Variants in NHS observed in about 807,000 individuals in gnomAD.
The protein encoded by NHS is NHS actin remodeling regulator.
NHS carries 5 observed loss-of-function variants against 72.5 expected under a neutral mutation model. That is an observed-to-expected ratio of 0.07 (90% CI 0.04 to 0.14). The LOEUF (loss-of-function observed/expected upper bound fraction) is 0.14, where lower values mean the gene tolerates loss of function less well. Among genes scored for constraint, NHS ranks in the 10% least tolerant of loss-of-function variants. The pLI is 1.00. For missense variants in NHS, 1,072 were observed against 1,355.7 expected (o/e 0.79, Z 3.29); for synonymous variants, 464 against 547.7 (o/e 0.85, Z 2.13).
chrX:17,651,004 C>A (rs891968982), intron 1 of NHS, among the ~76,000 whole-genome samples: 9 of 112,046 alleles, frequency 8.0e-5, no homozygotes, highest in Non-Finnish European at 1.3e-4. Context: ...CAGAAATACC[C>A]CCACTCTTCT....
At chrX:17,498,745 A>G (rs760468458) in intron 1 of NHS, among the ~76,000 whole-genome samples, 1 of 111,216 alleles carries the variant, frequency 9.0e-6, no homozygotes, top group African/African-American at 3.3e-5. Context: ...TTGCGGAGAA[A>G]CAACAAAGAG....
chrX:17,667,811 G>A (rs1424005692), intron 1 of NHS, among the ~76,000 whole-genome samples: 1 of 110,409 alleles, frequency 9.1e-6, no homozygotes, highest in Non-Finnish European at 1.9e-5. Context: ...CAAGGAGAGG[G>A]GGCATCAATG....
intron 1 of NHS, among the ~76,000 whole-genome samples, chrX:17,462,969 A>G (rs556383480): frequency 3.6e-5 from 4 of 111,717 alleles, no homozygotes; most frequent in Admixed American, 2.8e-4. Flanking sequence ...GTTGATATTG[A>G]TATTTCTTGT....
chrX:17,726,204 A>G lies in NHS; in HGVS notation c.2098A>G (p.Asn700Asp), dbSNP rs754788157. ...GGATAAAGTGAGAGGCCATCGGGCA[A>G]ACTCCTTTACCTCCACTGTTGCAGA... is the stretch of plus-strand genomic sequence containing the variant. ...HLDKVRGHRA[N>D]SFTSTVADLL... Residue 700 changes from asparagine (N) to aspartate (D), a missense_variant, in exon 7 of 9, where the codon AAC (asparagine) becomes GAC (aspartate). Transcript: ENST00000676302. 3 of 1,210,427 alleles carry G rather than the reference A, an allele frequency of 2.5e-6. No individual in the cohort carries two copies. The highest frequency in any genetic ancestry group is 3.4e-6 in the Non-Finnish European group (3 of 895,323).
chrX:17,726,521 A>G lies in NHS; in HGVS notation c.2415A>G (p.Ala805=), dbSNP rs1229934423. ...ATAAGAGCTATGTCTGTCACTATGC[A>G]GCCCTGGGCCCAGAGAATGGCCAGG... The part of the protein sequence containing the change: ...KGNKSYVCHY[A]ALGPENGQGV... Residue 805 remains alanine, a synonymous_variant, in exon 7 of 9, where the codon GCA becomes GCG. Coordinates refer to ENST00000676302, the MANE Select transcript of NHS (RefSeq NM_001291867.2). The G allele has an allele frequency of 5.0e-6, 6 of 1,210,396 alleles. No individual in the cohort carries two copies. The highest frequency in any genetic ancestry group is 6.7e-6 in the Non-Finnish European group (6 of 895,275).
intron 1 of NHS, among the ~76,000 whole-genome samples, chrX:17,463,327 G>T (rs190149713): frequency 1.8e-5 from 2 of 110,356 alleles, no homozygotes; most frequent in African/African-American, 3.3e-5. Flanking sequence ...GGATTTGCTG[G>T]GGGGGAGGGC....
At chrX:17,516,065 ACTTAAT>A (rs914920183) in intron 1 of NHS, among the ~76,000 whole-genome samples, 3 of 111,280 alleles carry the variant, frequency 2.7e-5, no homozygotes, top group African/African-American at 6.5e-5. Context: ...AAAAAGGTGA[ACTTAAT>A]CTTAATAGTA....
intron 1 of NHS, among the ~76,000 whole-genome samples, chrX:17,456,986 T>C (rs1015137609): frequency 8.9e-6 from 1 of 112,116 alleles, no homozygotes; most frequent in Non-Finnish European, 1.9e-5. Context: ...TAAGCTGAGA[T>C]GTATCTTGCC....
intron 1 of NHS, among the ~76,000 whole-genome samples, chrX:17,514,448 G>A (rs1454862434): frequency 1.8e-5 from 2 of 112,135 alleles, no homozygotes; most frequent in African/African-American, 3.2e-5. Context: ...TTCAGCTTTT[G>A]GACTCTTTGA....
At chrX:17,589,870 C>A (rs1248843884) in intron 1 of NHS, among the ~76,000 whole-genome samples, 1 of 111,357 alleles carries the variant, frequency 9.0e-6, no homozygotes, top group Non-Finnish European at 1.9e-5. Flanking sequence ...TTTGATTATG[C>A]CCATTCTTGC....
At chrX:17,709,527 A>C (rs1445425359) in intron 3 of NHS, among the ~76,000 whole-genome samples, 1 of 112,069 alleles carries the variant, frequency 8.9e-6, no homozygotes, top group Non-Finnish European at 1.9e-5. Context: ...AGGAAAACAG[A>C]AACCAAGCCA....
intron 1 of NHS, among the ~76,000 whole-genome samples, chrX:17,445,410 GAATCATTTAGTTTGTGCTAA>G (rs1383120781): frequency 9.0e-6 from 1 of 111,482 alleles, no homozygotes; most frequent in African/African-American, 3.3e-5. Context: ...TAGGTAAATG[GAATCATTTAGTTTGTGCTAA>G]ATGATTTTTT....
chrX:17,454,343 C>G (rs1738189774), intron 1 of NHS, among the ~76,000 whole-genome samples: 1 of 111,883 alleles, frequency 8.9e-6, no homozygotes, highest in South Asian at 3.8e-4. Context: ...TCAAGAACTC[C>G]TCATGGACAC....
At chrX:17,724,456 T>A (rs760727697) in intron 6 of NHS, 26 bp downstream of exon 6, 1 of 1,206,229 alleles carries the variant, frequency 8.3e-7, no homozygotes, top group East Asian at 3.0e-5. Flanking sequence ...ATGTTAATGG[T>A]TAACATTCCT....
Position 17,566,984 on chromosome X carries a change from G to T in NHS, c.566-120758G>T, listed in dbSNP as rs772737424. 8.1e-5 allele frequency among the ~76,000 whole-genome samples: 9 copies of T among 111,791 alleles called. No individual in the cohort carries two copies. The South Asian group carries it at 2.2e-3, about 28-fold the overall frequency. On this transcript the variant is annotated intron_variant, in intron 1 of 8. Coordinates refer to ENST00000676302, the MANE Select transcript of NHS (RefSeq NM_001291867.2). ...GTTACATTATAATCACTATTCATCT[G>T]CCTGTCAAGCTGAGCCCTTTTCTGT...
At chrX:17,689,100 T>C (rs1190187757) in intron 2 of NHS, among the ~76,000 whole-genome samples, 1 of 112,691 alleles carries the variant, frequency 8.9e-6, no homozygotes, top group East Asian at 2.8e-4. Context: ...AAAATGGTGA[T>C]ATTGTTTTCA....
intron 1 of NHS, among the ~76,000 whole-genome samples, chrX:17,679,790 G>C (rs749195427): frequency 1.9e-5 from 2 of 104,468 alleles, no homozygotes; most frequent in Non-Finnish European, 3.9e-5. Context: ...AAGGAGTTCA[G>C]ATATTTCATA....
chrX:17,491,185 G>A (rs946898210), intron 1 of NHS, among the ~76,000 whole-genome samples: 1 of 111,559 alleles, frequency 9.0e-6, no homozygotes, highest in African/African-American at 3.3e-5. Context: ...GGTGAGAGAG[G>A]GCATCCTTGT....
intron 1 of NHS, among the ~76,000 whole-genome samples, chrX:17,377,580 A>T (rs1346973068): frequency 1.8e-5 from 2 of 113,012 alleles, no homozygotes; most frequent in African/African-American, 6.4e-5. Flanking sequence ...TTCCCTGGGG[A>T]TTTCCGGGCA....
Sources: allele counts gnomAD v4.1 joint callset (sites outside exome capture counted in the v4.1 genomes callset), GRCh38; gene constraint gnomAD v4.1.1; transcripts MANE v1.5; gene names NCBI Gene and HGNC (gene_info 2026-07-23, HGNC 2026-07-21).